The following PARD3B variants were observed in gnomAD, a reference collection of about 807,000 sequenced individuals.
PARD3B encodes partitioning defective 3 homolog B.
A neutral mutation model predicts 130.2 loss-of-function variants in PARD3B; 103 were observed. The observed-to-expected ratio is 0.79, with a 90% CI of 0.67 to 0.93. The LOEUF (loss-of-function observed/expected upper bound fraction) is 0.93. Ranked by LOEUF, PARD3B falls within the 40% of genes least tolerant of loss-of-function variation. PARD3B has a pLI of 0.00. For missense variants in PARD3B, 1,609 were observed against 1,499.2 expected (o/e 1.07, Z -1.21); for synonymous variants, 583 against 553.2 (o/e 1.05, Z -0.76).
chr2:204,697,547 G>A (rs117519256), intron 2 of PARD3B, among the ~76,000 whole-genome samples: 1 of 152,090 alleles, frequency 6.6e-6, no homozygotes. Context: ...CAAGAGTGGG[G>A]CAGACATCTG....
At chr2:205,062,327 A>G (rs1165860030) in intron 4 of PARD3B, among the ~76,000 whole-genome samples, 1 of 152,194 alleles carries the variant, frequency 6.6e-6, no homozygotes, top group African/African-American at 2.4e-5. Flanking sequence ...GAGGTCAGAC[A>G]TGAGTCACAG....
intron 1 of PARD3B, among the ~76,000 whole-genome samples, chr2:204,627,145 A>G (rs375416323): frequency 7.2e-5 from 11 of 152,198 alleles, no homozygotes; most frequent in African/African-American, 2.4e-4. Flanking sequence ...GCCTTCCGCC[A>G]TGATTGTAGG....
At position 204,965,222 on chromosome 2, in the gene PARD3B, G is replaced by T. The variant is rs760775992; in HGVS notation, c.293G>T (p.Arg98Leu). The T allele has an allele frequency of 3.7e-6, 6 of 1,613,914 alleles. No individual in the cohort carries two copies. In the Admixed American group the frequency reaches 5.0e-5, roughly 13 times the overall value. The change falls in exon 3 of 23, where the codon CGG (arginine) becomes CTG (leucine). Residue 98 changes from arginine to leucine, a missense_variant. Transcript: ENST00000406610. ...AGCCCCAGTGGAAACCCTGCAGATC[G>T]GCAGAGCCCAGATGCTTTTGAGACA... is the stretch of plus-strand genomic sequence containing the variant. ...IESPSGNPAD[R>L]QSPDAFETEV...
At chr2:205,547,115 C>T (rs552153764) in intron 21 of PARD3B, among the ~76,000 whole-genome samples, 2 of 152,234 alleles carry the variant, frequency 1.3e-5, no homozygotes, top group East Asian at 3.9e-4. Flanking sequence ...GACTTTTTCT[C>T]ATCTCTATGT....
At chr2:205,004,492 A>G (rs12328416) in intron 3 of PARD3B, among the ~76,000 whole-genome samples, 7,722 of 152,320 alleles carry the variant, frequency 0.051, 218 homozygotes, top group Middle Eastern at 0.092. Context: ...CGTTCTTGCA[A>G]TAATGCTATT....
At chr2:204,957,818 A>C (rs986055522) in intron 2 of PARD3B, among the ~76,000 whole-genome samples, 7 of 152,108 alleles carry the variant, frequency 4.6e-5, no homozygotes, top group African/African-American at 1.4e-4. Context: ...CTACTTGTGA[A>C]ATTGTTGTAA....
chr2:205,401,522 G>A (rs1432125354), intron 19 of PARD3B, among the ~76,000 whole-genome samples: 1 of 151,886 alleles, frequency 6.6e-6, no homozygotes, highest in Admixed American at 6.6e-5. Flanking sequence ...TGCGCAATCC[G>A]TTTGGGTCCT....
At chr2:205,503,863 G>A (rs1463769347) in intron 21 of PARD3B, among the ~76,000 whole-genome samples, 1 of 152,090 alleles carries the variant, frequency 6.6e-6, no homozygotes, top group African/African-American at 2.4e-5. Flanking sequence ...GCAGTGGTTT[G>A]TAGTTCTCCT....
intron 18 of PARD3B, among the ~76,000 whole-genome samples, chr2:205,381,238 A>G: frequency 8.1e-6 from 1 of 123,776 alleles, no homozygotes; most frequent in African/African-American, 3.3e-5. Context: ...TAATATATAT[A>G]AAAAGAATAT....
At chr2:205,503,679 C>T (rs2050242930) in intron 21 of PARD3B, among the ~76,000 whole-genome samples, 1 of 152,058 alleles carries the variant, frequency 6.6e-6, no homozygotes. Context: ...TCCATATGAA[C>T]TTTAAAGTAG....
chr2:204,925,608 G>C (rs551441042), intron 2 of PARD3B, among the ~76,000 whole-genome samples: 1 of 152,098 alleles, frequency 6.6e-6, no homozygotes, highest in African/African-American at 2.4e-5. Context: ...TTTTCAGAAG[G>C]AATAAGCTAG....
At chr2:205,439,637 G>C (rs973473035) in intron 19 of PARD3B, among the ~76,000 whole-genome samples, 9 of 152,176 alleles carry the variant, frequency 5.9e-5, no homozygotes, top group African/African-American at 2.2e-4. Context: ...CTAGCATTTT[G>C]TAATATCACT....
In PARD3B at chr2:204,644,333, T is replaced by C. The variant is rs141628299; in HGVS notation, c.121-41848T>C. ...TGGTATACATATCAAGCAAATACTT[T>C]TGGTTGATTTTGTATGGGTGTGTGG... On this transcript the variant is annotated intron_variant, in intron 1 of 22. Transcript: ENST00000406610. 1.2e-3 allele frequency among the ~76,000 whole-genome samples: 188 copies of C among 152,302 alleles called. 1 individual carries two copies. Among genetic ancestry groups the C allele is most frequent in the African/African-American group, 4.4e-3 (184 of 41,556 alleles).
intron 3 of PARD3B, among the ~76,000 whole-genome samples, chr2:204,996,661 C>T (rs1048651785): frequency 4.7e-5 from 7 of 149,882 alleles, no homozygotes; most frequent in African/African-American, 1.2e-4. Context: ...TGGGCAATGG[C>T]GGGCGCCCCT....
At chr2:204,688,833 G>A (rs2037216366) in intron 2 of PARD3B, among the ~76,000 whole-genome samples, 1 of 152,128 alleles carries the variant, frequency 6.6e-6, no homozygotes, top group Non-Finnish European at 1.5e-5. Flanking sequence ...CAGTTCACCT[G>A]TTTGCAAATT....
intron 2 of PARD3B, among the ~76,000 whole-genome samples, chr2:204,731,969 G>A (rs982797419): frequency 6.6e-6 from 1 of 152,092 alleles, no homozygotes; most frequent in Non-Finnish European, 1.5e-5. Context: ...ATTAGGGAAG[G>A]GAGGTTTAAC....
chr2:204,849,720 G>C (rs1214018724), intron 2 of PARD3B, among the ~76,000 whole-genome samples: 1 of 152,112 alleles, frequency 6.6e-6, no homozygotes, highest in African/African-American at 2.4e-5. Context: ...AGAAAAAAAT[G>C]CTTTTTCAAA....
At chr2:205,542,370 G>GTGTC (rs2052193601) in intron 21 of PARD3B, among the ~76,000 whole-genome samples, 1 of 150,984 alleles carries the variant, frequency 6.6e-6, no homozygotes, top group Non-Finnish European at 1.5e-5. Flanking sequence ...GTGTGTGTGT[G>GTGTC]TGTGTGTGTG....
At chr2:204,895,481 T>C (rs566857272) in intron 2 of PARD3B, among the ~76,000 whole-genome samples, 2 of 152,248 alleles carry the variant, frequency 1.3e-5, no homozygotes, top group African/African-American at 2.4e-5. Context: ...TTAACCGATA[T>C]ATATCTATGA....
Sources: allele counts gnomAD v4.1 joint callset (sites outside exome capture counted in the v4.1 genomes callset), GRCh38; gene constraint gnomAD v4.1.1; transcripts MANE v1.5; gene names NCBI Gene and HGNC (gene_info 2026-07-23, HGNC 2026-07-21).